Variants in ARHGAP26 observed in about 807,000 individuals in gnomAD.
ARHGAP26 encodes Rho GTPase activating protein 26, also known as rho GTPase-activating protein 26.
A neutral mutation model predicts 104.8 loss-of-function variants in ARHGAP26; 38 were observed. The observed-to-expected ratio is 0.36, with a 90% confidence interval of 0.28 to 0.48. The LOEUF (loss-of-function observed/expected upper bound fraction) is 0.48, where lower values mean the gene tolerates loss of function less well. Ranked by LOEUF, ARHGAP26 falls within the 20% of genes least tolerant of loss-of-function variation. The probability of loss-of-function intolerance (pLI) is 0.99; values close to 1 mark genes in which losing one functional copy is unlikely to be tolerated. For missense variants in ARHGAP26, 704 were observed against 947.9 expected, an observed-to-expected ratio of 0.74 and a Z score of 3.38; for synonymous variants, 341 against 340.0, an observed-to-expected ratio of 1.00 and a Z score of -0.03.
chr5:143,170,160 C>T (rs1305838327), intron 20 of ARHGAP26: 1 of 152,084 alleles, frequency 6.6e-6, no homozygotes, highest in East Asian at 1.9e-4. Context: ...ATTTTAATGA[C>T]AGTGTTGTGG....
In ARHGAP26 at chr5:142,830,504, A is replaced by G. The variant is rs10065564; in HGVS notation, c.155-42896A>G. 6.0e-3 allele frequency among the ~76,000 whole-genome samples: 918 copies of G among 152,250 alleles called. 10 individuals are homozygous for G. Among genetic ancestry groups the G allele is most frequent in the African/African-American group, 0.021 (888 of 41,540 alleles). On this transcript the variant is annotated intron_variant, in intron 1 of 22. Coordinates refer to ENST00000645722, the MANE Select transcript of ARHGAP26 (RefSeq NM_001135608.3). ...GTTATGGCAGTCAGTCTGTTTTTCCATAATTGTGATGACCTCTGAGTGAAG... is the reference window on the plus strand; with the variant it reads ...GTTATGGCAGTCAGTCTGTTTTTCCGTAATTGTGATGACCTCTGAGTGAAG...
intron 17 of ARHGAP26, among the ~76,000 whole-genome samples, chr5:143,070,456 A>G (rs1307058334): frequency 6.6e-6 from 1 of 152,252 alleles, no homozygotes; most frequent in African/African-American, 2.4e-5. Context: ...AGACGATTGA[A>G]AACTTCTACA....
chr5:143,173,732 A>G (rs559439018), intron 20 of ARHGAP26, among the ~76,000 whole-genome samples: 5 of 152,286 alleles, frequency 3.3e-5, no homozygotes, highest in Non-Finnish European at 4.4e-5. Flanking sequence ...TTGTCCAAAG[A>G]CTATGAATGT....
chr5:142,866,298 AGTT>A (rs1275591658), intron 1 of ARHGAP26, among the ~76,000 whole-genome samples: 2 of 152,206 alleles, frequency 1.3e-5, no homozygotes. Context: ...ATAGTGTAGT[AGTT>A]AAGAGTTTTG....
intron 1 of ARHGAP26, among the ~76,000 whole-genome samples, chr5:142,800,757 C>T (rs573398375): frequency 2.4e-4 from 37 of 152,302 alleles, no homozygotes; most frequent in African/African-American, 7.9e-4. Context: ...CAACTATTCT[C>T]GTGAACCTGG....
chr5:143,062,465 A>G (rs910967297), intron 17 of ARHGAP26, among the ~76,000 whole-genome samples: 1 of 152,166 alleles, frequency 6.6e-6, no homozygotes, highest in African/African-American at 2.4e-5. Context: ...ACCTTATCAA[A>G]ATATGTAGAC....
At chr5:142,979,715 G>A (rs911509356) in intron 11 of ARHGAP26, among the ~76,000 whole-genome samples, 5 of 152,248 alleles carry the variant, frequency 3.3e-5, no homozygotes, top group African/African-American at 7.2e-5. Context: ...GGCAAAGAGA[G>A]TATTTGTGTG....
chr5:143,124,951 C>T (rs1190635258), intron 18 of ARHGAP26, among the ~76,000 whole-genome samples: 4 of 152,108 alleles, frequency 2.6e-5, no homozygotes, highest in African/African-American at 4.8e-5. Flanking sequence ...AGTGCTTTTC[C>T]GCCTCCTCTC....
intron 8 of ARHGAP26, 110 bp from the exon 9 acceptor site, chr5:142,907,594 A>G: frequency 1.8e-6 from 1 of 555,370 alleles, no homozygotes; most frequent in Non-Finnish European, 3.2e-6. Flanking sequence ...AACATAGTTT[A>G]AGGGTAGGGT....
At chr5:142,884,645 T>C (rs1757461914) in intron 4 of ARHGAP26, among the ~76,000 whole-genome samples, 1 of 152,230 alleles carries the variant, frequency 6.6e-6, no homozygotes, top group Non-Finnish European at 1.5e-5. Context: ...CGTACTTTAA[T>C]TATGCCAAAC....
chr5:143,201,571 T>G (rs73292273), intron 20 of ARHGAP26, among the ~76,000 whole-genome samples: 2,780 of 152,296 alleles, frequency 0.018, 71 homozygotes, highest in African/African-American at 0.064. Flanking sequence ...GTTGTCATTT[T>G]TAAGTAACCT....
At position 143,228,287 on chromosome 5, in the gene ARHGAP26, CAT is replaced by C. The variant is rs927898588; in HGVS notation, c.*5843_*5844del. The C allele has an allele frequency of 4.5e-6, 1 of 224,434 alleles. No individual in the cohort carries two copies. Among genetic ancestry groups the C allele is most frequent in the Non-Finnish European group, 8.9e-6 (1 of 112,680 alleles). The allele number at this position is 224,434 out of a possible 1,614,324, so 13.9% of individuals were successfully genotyped here. On this transcript the variant is annotated 3_prime_UTR_variant, in exon 23 of 23. Transcript: ENST00000645722. Reference sequence around the variant, plus strand: ...CAGCACATATTTACATCTATGAAGACATAGACACTTACAGAGACCCACATGAG... The same window carrying C: ...CAGCACATATTTACATCTATGAAGACAGACACTTACAGAGACCCACATGAG...
chr5:142,934,208 G>A (rs189984738), intron 11 of ARHGAP26, among the ~76,000 whole-genome samples: 3 of 152,274 alleles, frequency 2.0e-5, no homozygotes, highest in Admixed American at 2.0e-4. Flanking sequence ...TTCTCTGTCT[G>A]CGTATAATTG....
chr5:142,854,443 A>G (rs1287748628), intron 1 of ARHGAP26, among the ~76,000 whole-genome samples: 3 of 152,300 alleles, frequency 2.0e-5, no homozygotes, highest in Admixed American at 2.0e-4. Context: ...CGTAAGGACT[A>G]TGTCAGTTTT....
intron 12 of ARHGAP26, among the ~76,000 whole-genome samples, chr5:143,022,712 C>T (rs1342907025): frequency 1.3e-5 from 2 of 152,194 alleles, no homozygotes; most frequent in Non-Finnish European, 2.9e-5. Context: ...TGTACAAATG[C>T]TGTTCACAGC....
intron 6 of ARHGAP26, among the ~76,000 whole-genome samples, chr5:142,897,593 T>C (rs1324643342): frequency 1.3e-5 from 2 of 152,250 alleles, no homozygotes; most frequent in African/African-American, 4.8e-5. Context: ...ACCTTCCCCG[T>C]GATTCAGCTG....
chr5:143,088,026 T>C (rs1216952169), intron 17 of ARHGAP26, among the ~76,000 whole-genome samples: 2 of 152,184 alleles, frequency 1.3e-5, no homozygotes, highest in Non-Finnish European at 2.9e-5. Context: ...ATGCAGGTTC[T>C]TCATTAGGGC....
intron 17 of ARHGAP26, among the ~76,000 whole-genome samples, chr5:143,099,289 C>A (rs760570345): frequency 2.6e-5 from 4 of 152,112 alleles, no homozygotes; most frequent in Non-Finnish European, 5.9e-5. Context: ...CCTAAGCTGA[C>A]AACATAGCTG....
chr5:142,812,098 C>G (rs145706857), intron 1 of ARHGAP26, among the ~76,000 whole-genome samples: 2,704 of 152,212 alleles, frequency 0.018, 54 homozygotes, highest in Non-Finnish European at 0.029. Flanking sequence ...CTCCCCACCC[C>G]GTCTACTGCC....
Sources: gnomAD v4.1 joint callset for allele counts (sites outside exome capture counted in the v4.1 genomes callset) on GRCh38, gnomAD v4.1.1 for gene constraint, MANE v1.5 for transcripts, NCBI Gene and HGNC (gene_info 2026-07-23, HGNC 2026-07-21) for gene names.